The following RALGAPA2 variants were observed in gnomAD, a reference collection of about 807,000 sequenced individuals.
RALGAPA2 encodes ral GTPase-activating protein subunit alpha-2.
In RALGAPA2, 139 loss-of-function variants were observed where a neutral mutation model predicts 230.4. The observed-to-expected ratio is 0.60, with a 90% CI of 0.53 to 0.69. The LOEUF (loss-of-function observed/expected upper bound fraction) is 0.69, where lower values mean the gene tolerates loss of function less well. RALGAPA2 is among the 30% of genes least tolerant of loss of function. The pLI, the probability that RALGAPA2 is intolerant of heterozygous loss-of-function variation, is 0.00. For missense variants in RALGAPA2, 2,163 were observed against 2,276.0 expected (o/e 0.95, Z 1.01); for synonymous variants, 847 against 837.8 (o/e 1.01, Z -0.19).
At chr20:20,514,270 A>G (rs2062806481) in intron 31 of RALGAPA2, among the ~76,000 whole-genome samples, 2 of 151,892 alleles carry the variant, frequency 1.3e-5, no homozygotes, top group African/African-American at 4.8e-5. Flanking sequence ...TCCGCACCCA[A>G]GCAGATCTCC....
chr20:20,404,705 T>C (rs1017899920), intron 38 of RALGAPA2, among the ~76,000 whole-genome samples: 7 of 152,232 alleles, frequency 4.6e-5, no homozygotes, highest in Non-Finnish European at 8.8e-5. Flanking sequence ...CAGCCATCTC[T>C]TGGCAACTGC....
At chr20:20,632,678 G>A (rs1229663697) in intron 9 of RALGAPA2, among the ~76,000 whole-genome samples, 2 of 152,174 alleles carry the variant, frequency 1.3e-5, no homozygotes, top group Non-Finnish European at 2.9e-5. Flanking sequence ...ACAGATTTTT[G>A]TCTGCCTGAT....
intron 24 of RALGAPA2, among the ~76,000 whole-genome samples, chr20:20,542,110 C>T (rs2063659065): frequency 6.6e-6 from 1 of 152,026 alleles, no homozygotes; most frequent in Non-Finnish European, 1.5e-5. Context: ...TCCTATACAC[C>T]AATAATAGAC....
intron 16 of RALGAPA2, among the ~76,000 whole-genome samples, chr20:20,599,992 A>T (rs562531210): frequency 3.3e-5 from 5 of 151,758 alleles, no homozygotes; most frequent in African/African-American, 1.2e-4. Flanking sequence ...AAAAAATAAA[A>T]AAAAAATCCA....
rs1476601240 is a variant in RALGAPA2, at chr20:20,542,820, T to A, written c.3285+3884A>T. ...ACCATAAAAACCCTAGAAAAAAACC[T>A]AGGCAACACCATTCAGGACATAGGC... On this transcript the variant is annotated intron_variant, in intron 24 of 39. Coordinates refer to ENST00000202677, the MANE Select transcript of RALGAPA2 (RefSeq NM_020343.4). Among the ~76,000 whole-genome samples, 4 of 152,098 alleles carry A rather than the reference T, an allele frequency of 2.6e-5. No individual in the cohort carries two copies. In the East Asian group the frequency reaches 5.8e-4, roughly 22 times the overall value.
At chr20:20,586,720 A>G (rs905159608) in intron 18 of RALGAPA2, among the ~76,000 whole-genome samples, 15 of 152,224 alleles carry the variant, frequency 9.9e-5, no homozygotes, top group Non-Finnish European at 2.1e-4. Context: ...AAAAAATTCA[A>G]TGGAAATATT....
At chr20:20,697,648 T>C (rs982441064) in intron 1 of RALGAPA2, among the ~76,000 whole-genome samples, 2 of 152,080 alleles carry the variant, frequency 1.3e-5, no homozygotes, top group African/African-American at 4.8e-5. Flanking sequence ...CACCCAGCGA[T>C]TGGTACAGGA....
intron 39 of RALGAPA2, among the ~76,000 whole-genome samples, chr20:20,394,123 T>C (rs2059655988): frequency 6.6e-6 from 1 of 152,224 alleles, no homozygotes; most frequent in South Asian, 2.1e-4. Context: ...AAATTATTAT[T>C]ATTATTGGCA....
intron 27 of RALGAPA2, among the ~76,000 whole-genome samples, chr20:20,530,692 T>C (rs1424844730): frequency 6.6e-6 from 1 of 152,226 alleles, no homozygotes; most frequent in Non-Finnish European, 1.5e-5. Flanking sequence ...CAGAAGGGCA[T>C]GCAGCAGCCT....
At chr20:20,677,407 T>C (rs934568977) in intron 2 of RALGAPA2, among the ~76,000 whole-genome samples, 5 of 152,036 alleles carry the variant, frequency 3.3e-5, no homozygotes, top group African/African-American at 1.2e-4. Context: ...GCAGAGGAAC[T>C]GAACAATGCA....
intron 37 of RALGAPA2, among the ~76,000 whole-genome samples, chr20:20,443,668 G>A (rs1021509015): frequency 2.0e-5 from 3 of 152,212 alleles, no homozygotes; most frequent in Non-Finnish European, 2.9e-5. Flanking sequence ...ATGCCTGTGC[G>A]CCAGGCCCAC....
In RALGAPA2 at chr20:20,578,616, T is replaced by C. The variant is rs574788691; in HGVS notation, c.2707+4434A>G. ...GGCAAAATAAGCATTTAAGGCCAAA[T>C]GGTGATTTAATATGGCTGCAATTTT... On this transcript the variant is annotated intron_variant, in intron 20 of 39. Transcript: ENST00000202677. 3.9e-5 allele frequency among the ~76,000 whole-genome samples: 6 copies of C among 152,262 alleles called. No homozygotes were observed. In the South Asian group the frequency reaches 1.2e-3, roughly 32 times the overall value.
At chr20:20,552,242 C>G (rs1477474070) in intron 23 of RALGAPA2, among the ~76,000 whole-genome samples, 1 of 152,188 alleles carries the variant, frequency 6.6e-6, no homozygotes, top group Non-Finnish European at 1.5e-5. Flanking sequence ...AATAGCCAGC[C>G]ATCTGTCTCC....
At chr20:20,469,666 T>C (rs2061496670) in intron 37 of RALGAPA2, among the ~76,000 whole-genome samples, 2 of 152,160 alleles carry the variant, frequency 1.3e-5, no homozygotes, top group Admixed American at 1.3e-4. Context: ...TGTGGCAACC[T>C]TTTCCCTGAA....
intron 26 of RALGAPA2, among the ~76,000 whole-genome samples, chr20:20,533,757 A>G (rs987338091): frequency 1.3e-5 from 2 of 152,204 alleles, no homozygotes. Flanking sequence ...AAATTTCAAC[A>G]ATTTCAAAGA....
intron 37 of RALGAPA2, chr20:20,470,960 TAATACC>T: frequency 1.3e-5 from 2 of 152,330 alleles, no homozygotes; most frequent in Middle Eastern, 6.8e-3. Context: ...TTTATTTGAA[TAATACC>T]AATTAAATTT....
intron 38 of RALGAPA2, among the ~76,000 whole-genome samples, chr20:20,406,240 C>G (rs983202797): frequency 2.0e-5 from 3 of 152,058 alleles, no homozygotes; most frequent in Non-Finnish European, 4.4e-5. Flanking sequence ...AGTGGAGGGA[C>G]TCAAGCATCG....
intron 37 of RALGAPA2, among the ~76,000 whole-genome samples, chr20:20,426,326 G>T (rs1051056847): frequency 1.3e-5 from 2 of 152,202 alleles, no homozygotes; most frequent in Non-Finnish European, 1.5e-5. Flanking sequence ...CTGCTGGAAT[G>T]ACTTACTCTG....
chr20:20,420,712 C>T (rs1301010777), intron 37 of RALGAPA2, among the ~76,000 whole-genome samples: 3 of 152,078 alleles, frequency 2.0e-5, no homozygotes, highest in African/African-American at 7.2e-5. Flanking sequence ...ACTGGGCTCA[C>T]AGATACTTAT....
Sources: gnomAD v4.1 joint callset for allele counts (sites outside exome capture counted in the v4.1 genomes callset) on GRCh38, gnomAD v4.1.1 for gene constraint, MANE v1.5 for transcripts, NCBI Gene and HGNC (gene_info 2026-07-23, HGNC 2026-07-21) for gene names.